Variants in FSTL5 observed in about 807,000 individuals in gnomAD.
FSTL5 encodes the protein follistatin like 5.
Under a neutral mutation model 89.1 loss-of-function variants are expected in FSTL5, and 62 were observed. The ratio of observed to expected loss-of-function variants is 0.70; its 90% confidence interval spans 0.57 to 0.86. FSTL5 has a LOEUF of 0.86. Among genes scored for constraint, FSTL5 ranks in the 40% least tolerant of loss-of-function variants. FSTL5 has a pLI of 0.00. For missense variants in FSTL5, 1,057 were observed against 1,001.6 expected, an observed-to-expected ratio of 1.06 and a Z score of -0.75; for synonymous variants, 383 against 346.2, an observed-to-expected ratio of 1.11 and a Z score of -1.18.
chr4:161,657,551 T>G (rs1422315640), intron 6 of FSTL5, among the ~76,000 whole-genome samples: 3 of 152,178 alleles, frequency 2.0e-5, no homozygotes, highest in Admixed American at 2.0e-4. Flanking sequence ...GTAATAAATA[T>G]GATCATGTGC....
At chr4:161,748,150 T>C (rs1419376707) in intron 6 of FSTL5, among the ~76,000 whole-genome samples, 1 of 152,130 alleles carries the variant, frequency 6.6e-6, no homozygotes, top group Non-Finnish European at 1.5e-5. Flanking sequence ...ATCATCAAAC[T>C]AATTACTTGT....
intron 4 of FSTL5, among the ~76,000 whole-genome samples, chr4:161,807,479 ATT>A (rs529647557): frequency 1.3e-5 from 2 of 151,846 alleles, no homozygotes; most frequent in Non-Finnish European, 2.9e-5. Flanking sequence ...AATTATGATG[ATT>A]TTTTTTGCAG....
chr4:161,889,376 C>G (rs2017147), intron 4 of FSTL5, among the ~76,000 whole-genome samples: 1 of 151,996 alleles, frequency 6.6e-6, no homozygotes, highest in Non-Finnish European at 1.5e-5. Flanking sequence ...GGTGTGGTGG[C>G]TCACACCTGT....
At chr4:161,802,241 TTAAC>T (rs1452882587) in intron 4 of FSTL5, among the ~76,000 whole-genome samples, 2 of 151,732 alleles carry the variant, frequency 1.3e-5, no homozygotes, top group Admixed American at 6.6e-5. Flanking sequence ...TGAAAGAAAA[TTAAC>T]TATCTCCTAT....
At chr4:161,552,771 G>T (rs1732260497) in intron 8 of FSTL5, among the ~76,000 whole-genome samples, 1 of 151,560 alleles carries the variant, frequency 6.6e-6, no homozygotes, top group Admixed American at 6.6e-5. Flanking sequence ...TAAGTGATTG[G>T]CATAACAACT....
chr4:161,905,178 AT>A (rs1733486581), intron 4 of FSTL5, among the ~76,000 whole-genome samples: 2 of 152,146 alleles, frequency 1.3e-5, no homozygotes, highest in African/African-American at 4.8e-5. Context: ...TTGTTAAATA[AT>A]TTTATTTTAT....
chr4:161,716,742 T>G (rs1033235445), intron 6 of FSTL5, among the ~76,000 whole-genome samples: 1 of 152,178 alleles, frequency 6.6e-6, no homozygotes, highest in Non-Finnish European at 1.5e-5. Context: ...TCCAGTAGAA[T>G]GTGAGACTTT....
chr4:162,134,065 T>C (rs1732422956), intron 1 of FSTL5, among the ~76,000 whole-genome samples: 1 of 152,348 alleles, frequency 6.6e-6, no homozygotes, highest in East Asian at 1.9e-4. Flanking sequence ...CTGTCAACTT[T>C]AAAACATGGA....
intron 4 of FSTL5, among the ~76,000 whole-genome samples, chr4:161,869,191 C>T (rs921446706): frequency 2.0e-5 from 3 of 151,962 alleles, no homozygotes; most frequent in East Asian, 1.9e-4. Context: ...AACAAGACTC[C>T]GTCTCAAAAA....
At chr4:161,976,829 A>G (rs985008256) in intron 3 of FSTL5, among the ~76,000 whole-genome samples, 2 of 152,114 alleles carry the variant, frequency 1.3e-5, no homozygotes, top group African/African-American at 4.8e-5. Context: ...ACCCCACAGG[A>G]CCTATGGAAA....
chr4:161,623,862 T>C (rs1735223169), intron 7 of FSTL5, among the ~76,000 whole-genome samples: 1 of 152,146 alleles, frequency 6.6e-6, no homozygotes, highest in Admixed American at 6.5e-5. Context: ...TAATTTAACA[T>C]ACTTGAAATA....
At chr4:161,531,122 A>G (rs1731398774) in intron 10 of FSTL5, among the ~76,000 whole-genome samples, 1 of 152,172 alleles carries the variant, frequency 6.6e-6, no homozygotes, top group East Asian at 1.9e-4. Flanking sequence ...ACTGTAGAGT[A>G]TATTATTTTG....
chr4:161,388,511 T>C (rs989302934), intron 15 of FSTL5: 5 of 152,102 alleles, frequency 3.3e-5, no homozygotes, highest in Non-Finnish European at 5.9e-5. Context: ...TACCACTATG[T>C]AATCTCAGAT....
chr4:161,607,772 A>G (rs1278379836), intron 7 of FSTL5, among the ~76,000 whole-genome samples: 1 of 152,198 alleles, frequency 6.6e-6, no homozygotes, highest in Non-Finnish European at 1.5e-5. Flanking sequence ...TGCTTATGTC[A>G]AACAAAAGTT....
chr4:161,471,308 T>C (rs902742201), intron 13 of FSTL5, among the ~76,000 whole-genome samples: 19 of 152,238 alleles, frequency 1.2e-4, no homozygotes, highest in African/African-American at 4.1e-4. Flanking sequence ...TCAATTGAGA[T>C]GGTCATGTAA....
chr4:161,955,151 G>A (rs372208071), intron 3 of FSTL5, among the ~76,000 whole-genome samples: 29 of 151,574 alleles, frequency 1.9e-4, no homozygotes, highest in Admixed American at 7.9e-4. Context: ...TTTTCTATAG[G>A]TAATATTTAT....
At chr4:161,546,918 C>T (rs1019627180) in intron 8 of FSTL5, among the ~76,000 whole-genome samples, 1 of 151,936 alleles carries the variant, frequency 6.6e-6, no homozygotes. Context: ...CACATGGGAC[C>T]TGTGGGCTGG....
chr4:161,503,426 G>T (rs1730370497), intron 11 of FSTL5, among the ~76,000 whole-genome samples: 1 of 151,710 alleles, frequency 6.6e-6, no homozygotes, highest in South Asian at 2.1e-4. Context: ...GAATCCTTGA[G>T]CCAGCTAAAA....
chr4:161,714,788 A>G (rs543080500), intron 6 of FSTL5, among the ~76,000 whole-genome samples: 45 of 152,288 alleles, frequency 3.0e-4, no homozygotes, highest in Middle Eastern at 3.4e-3. Context: ...TTGATTATAG[A>G]AGCAAAGAGG....
Sources: allele counts gnomAD v4.1 joint callset (sites outside exome capture counted in the v4.1 genomes callset), GRCh38; gene constraint gnomAD v4.1.1; transcripts MANE v1.5; gene names NCBI Gene and HGNC (gene_info 2026-07-23, HGNC 2026-07-21).